Variants in LRRIQ1 observed in about 807,000 individuals in gnomAD.
The protein encoded by LRRIQ1 is leucine rich repeats and IQ motif containing 1, also known as leucine-rich repeat- and IQ domain-containing protein 1.
Under a neutral mutation model 211.9 loss-of-function variants are expected in LRRIQ1, and 210 were observed. That is an observed-to-expected ratio of 0.99 (90% CI 0.89 to 1.11). The LOEUF (loss-of-function observed/expected upper bound fraction) is 1.11, where lower values mean the gene tolerates loss of function less well. Among genes scored for constraint, LRRIQ1 ranks in the 50% most tolerant of loss-of-function variants. The probability of loss-of-function intolerance (pLI) is 0.00; values close to 1 mark genes in which losing one functional copy is unlikely to be tolerated. For synonymous variants in LRRIQ1, 699 were observed against 650.1 expected, an observed-to-expected ratio of 1.08 and a Z score of -1.14; for missense variants, 2,136 against 1,939.5, an observed-to-expected ratio of 1.10 and a Z score of -1.90.
intron 24 of LRRIQ1, among the ~76,000 whole-genome samples, chr12:85,196,875 T>A (rs1271820702): frequency 6.6e-6 from 1 of 152,026 alleles, no homozygotes; most frequent in African/African-American, 2.4e-5. Flanking sequence ...GAAACTACCA[T>A]CAGAGTCAAC....
At chr12:85,037,379 A>T (rs1878261307) in intron 1 of LRRIQ1, among the ~76,000 whole-genome samples, 1 of 146,196 alleles carries the variant, frequency 6.8e-6, no homozygotes, top group African/African-American at 2.6e-5. Context: ...TTGTAGGCAT[A>T]AAAAAAAAAT....
chr12:85,066,486 A>G (rs1055964947), intron 9 of LRRIQ1, among the ~76,000 whole-genome samples: 4 of 151,818 alleles, frequency 2.6e-5, no homozygotes, highest in African/African-American at 9.7e-5. Flanking sequence ...TAAAATTTAT[A>G]TTGTTTAAAA....
chr12:85,059,132 T>A (rs1403584948), intron 8 of LRRIQ1, among the ~76,000 whole-genome samples: 3 of 151,998 alleles, frequency 2.0e-5, no homozygotes, highest in Admixed American at 1.3e-4. Flanking sequence ...GACTTTCTGA[T>A]CTTTTAGCTT....
rs183005891 is a variant in LRRIQ1, at chr12:85,122,346, A to C, written c.3557+470A>C. On this transcript the variant is annotated intron_variant, in intron 16 of 26. Coordinates refer to ENST00000393217, the MANE Select transcript of LRRIQ1 (RefSeq NM_001079910.2). The stretch of plus-strand genomic sequence containing the variant: ...TTACGTATCAAGGTATCATGGGAGC[A>C]CAGTAGAAAAAAGCAGTCAGCACTT... Among the ~76,000 whole-genome samples the C allele has an allele frequency of 2.6e-4, 40 of 152,280 alleles. No homozygotes were observed. The East Asian group carries it at 6.9e-3, about 26-fold the overall frequency.
At chr12:85,256,115 G>A (rs1428304410) in intron 1 of LRRIQ1, among the ~76,000 whole-genome samples, 3 of 151,616 alleles carry the variant, frequency 2.0e-5, no homozygotes, top group African/African-American at 7.2e-5. Context: ...AATGTTTACG[G>A]AGCTAAGACA....
At chr12:85,130,484 T>C (rs192340026) in intron 18 of LRRIQ1, among the ~76,000 whole-genome samples, 2 of 152,342 alleles carry the variant, frequency 1.3e-5, no homozygotes, top group Admixed American at 1.3e-4. Flanking sequence ...CATTACCTTA[T>C]GAAGTAGTCT....
In LRRIQ1 at chr12:85,099,002, C is replaced by A. The variant is rs769180884; in HGVS notation, c.3209+8C>A. 1 of 1,514,566 alleles carries A rather than the reference C, an allele frequency of 6.6e-7. No homozygotes were observed. The highest frequency in any genetic ancestry group is 1.3e-5 in the South Asian group (1 of 76,512). 93.8% of individuals were successfully genotyped at this position (1,514,566 alleles called of 1,614,324 possible). ...TACTATCTCTCAAAACAGGTAAAAG[C>A]ATACTTAAGAAATAAATTCAGTGAA... On this transcript the variant is annotated splice_region_variant and intron_variant, in intron 13 of 26. Coordinates refer to ENST00000393217, the MANE Select transcript of LRRIQ1 (RefSeq NM_001079910.2).
At chr12:85,209,960 TA>T (rs1207568421) in intron 24 of LRRIQ1, among the ~76,000 whole-genome samples, 100 of 152,286 alleles carry the variant, frequency 6.6e-4, no homozygotes, top group Non-Finnish European at 8.8e-4. Context: ...AGACTCCTCT[TA>T]ATGTCATATT....
chr12:85,193,692 C>G (rs566320520), intron 24 of LRRIQ1, among the ~76,000 whole-genome samples: 93 of 152,096 alleles, frequency 6.1e-4, no homozygotes, highest in Middle Eastern at 3.4e-3. Context: ...TGGAAAGGAA[C>G]AACCAGTACC....
intron 14 of LRRIQ1, 127 bp from the exon 15 acceptor site, chr12:85,106,395 A>G: frequency 4.6e-6 from 3 of 645,700 alleles, no homozygotes; most frequent in East Asian, 2.7e-5. Flanking sequence ...AGCATATAGC[A>G]TTCTGCAGAA....
intron 1 of LRRIQ1, among the ~76,000 whole-genome samples, chr12:85,037,754 A>G (rs1878329503): frequency 6.6e-6 from 1 of 152,108 alleles, no homozygotes; most frequent in Non-Finnish European, 1.5e-5. Flanking sequence ...ACGTTTTCAA[A>G]CCTTTTTTGG....
chr12:85,242,637 CA>C (rs1895517092), intron 26 of LRRIQ1, among the ~76,000 whole-genome samples: 1 of 151,784 alleles, frequency 6.6e-6, no homozygotes, highest in African/African-American at 2.4e-5. Flanking sequence ...TAACACTAAG[CA>C]GAGAATGATG....
At chr12:85,197,336 C>T (rs1395174292) in intron 24 of LRRIQ1, among the ~76,000 whole-genome samples, 2 of 151,656 alleles carry the variant, frequency 1.3e-5, no homozygotes, top group Admixed American at 1.3e-4. Flanking sequence ...GGGTATATAC[C>T]CAAAGGACTA....
In LRRIQ1 at chr12:85,198,001, AC is replaced by A. The variant is rs1347079203; in HGVS notation, c.4823-31515del. ...ATAATTATATTATATATTATATATA[AC>A]ATATATAATATATTATATTATTATA... On this transcript the variant is annotated intron_variant, in intron 24 of 26. Coordinates refer to ENST00000393217, the MANE Select transcript of LRRIQ1 (RefSeq NM_001079910.2). 2.9e-4 allele frequency among the ~76,000 whole-genome samples: 17 copies of A among 59,284 alleles called. No individual in the cohort carries two copies. In the South Asian group the frequency reaches 5.4e-3, roughly 19 times the overall value. 38.9% of individuals were successfully genotyped at this position (59,284 alleles called of 152,430 possible). A position where few individuals can be genotyped will look rare whatever the true frequency, so the allele number is the denominator to read the frequency against.
rs768263586 is a variant in LRRIQ1, at chr12:85,056,326, A to AT, written c.1535dup (p.Leu512PhefsTer5). On this transcript the variant is annotated frameshift_variant, in exon 8 of 27. Transcript: ENST00000393217. LOFTEE classifies it high-confidence loss of function. ...ATGAAAATACAGATAACAAAACTGAATTGGGAAACTCTGATCTAAAAGGAA... is the reference window on the plus strand; with the variant it reads ...ATGAAAATACAGATAACAAAACTGAATTTGGGAAACTCTGATCTAAAAGGAA... 12 of 1,598,280 alleles carry AT rather than the reference A, an allele frequency of 7.5e-6. No individual in the cohort carries two copies. The African/African-American group carries it at 1.2e-4, about 16-fold the overall frequency.
intron 26 of LRRIQ1, among the ~76,000 whole-genome samples, chr12:85,235,802 A>G (rs966319010): frequency 5.9e-5 from 9 of 152,156 alleles, no homozygotes; most frequent in Non-Finnish European, 1.3e-4. Flanking sequence ...CTCATCCAAT[A>G]TTACAATGGT....
intron 10 of LRRIQ1, among the ~76,000 whole-genome samples, chr12:85,070,838 A>C (rs967205912): frequency 2.0e-5 from 3 of 151,954 alleles, no homozygotes; most frequent in African/African-American, 7.2e-5. Context: ...TATCCATAAA[A>C]TAGCTTCAAA....
intron 26 of LRRIQ1, among the ~76,000 whole-genome samples, chr12:85,237,858 A>C (rs1157594900): frequency 6.6e-6 from 1 of 152,168 alleles, no homozygotes; most frequent in Non-Finnish European, 1.5e-5. Flanking sequence ...CTACAGATTC[A>C]GCAAATAAAA....
At chr12:85,062,725 G>T (rs982424818) in intron 8 of LRRIQ1, among the ~76,000 whole-genome samples, 1 of 151,720 alleles carries the variant, frequency 6.6e-6, no homozygotes, top group Non-Finnish European at 1.5e-5. Flanking sequence ...CCAGTAATGG[G>T]ATAGGTGGGT....
Sources: gnomAD v4.1 joint callset for allele counts (sites outside exome capture counted in the v4.1 genomes callset) on GRCh38, gnomAD v4.1.1 for gene constraint, MANE v1.5 for transcripts, NCBI Gene and HGNC (gene_info 2026-07-23, HGNC 2026-07-21) for gene names.